The following DNAJB4 variants were observed in gnomAD, a reference collection of about 807,000 sequenced individuals.
DNAJB4 encodes dnaJ homolog subfamily B member 4.
In DNAJB4, 10 loss-of-function variants were observed where a neutral mutation model predicts 26.6. That is an observed-to-expected ratio of 0.38 (90% CI 0.23 to 0.64). The LOEUF (loss-of-function observed/expected upper bound fraction) is 0.64. DNAJB4 is among the 30% of genes least tolerant of loss of function. The pLI is 0.58. For synonymous variants in DNAJB4, 136 were observed against 134.8 expected, an observed-to-expected ratio of 1.01 and a Z score of -0.06; for missense variants, 328 against 408.2, an observed-to-expected ratio of 0.80 and a Z score of 1.69.
chr1:77,983,574 T>C (rs941151398), intron 1 of DNAJB4, among the ~76,000 whole-genome samples: 2 of 152,178 alleles, frequency 1.3e-5, no homozygotes, highest in African/African-American at 4.8e-5. Flanking sequence ...TACTTGAGAT[T>C]AGGGAGTGGT....
chr1:77,999,137 G>A (rs752060368), intron 1 of DNAJB4, among the ~76,000 whole-genome samples: 2 of 152,056 alleles, frequency 1.3e-5, no homozygotes, highest in African/African-American at 2.4e-5. Flanking sequence ...GATATAGTCC[G>A]TTATTAAATG....
chr1:78,013,335 G>A lies in DNAJB4; in HGVS notation c.496G>A (p.Val166Ile), dbSNP rs941541257. 3 of 1,614,064 alleles carry A rather than the reference G, an allele frequency of 1.9e-6. No homozygotes were observed. The African/African-American group carries it at 4.0e-5, about 22-fold the overall frequency. The change falls in exon 2 of 3, where the codon GTA (valine) becomes ATA (isoleucine). Residue 166 changes from valine to isoleucine, a missense_variant. Transcript: ENST00000370763. ...QDPPVIHELR[V>I]SLEEIYSGCT... Reference sequence around the variant, plus strand: ...TCCTCCAGTTATTCATGAACTTAGAGTATCACTTGAAGAGATATATAGTGG... The same window carrying A: ...TCCTCCAGTTATTCATGAACTTAGAATATCACTTGAAGAGATATATAGTGG...
At chr1:77,990,871 A>G (rs1010293061) in intron 1 of DNAJB4, among the ~76,000 whole-genome samples, 1 of 152,170 alleles carries the variant, frequency 6.6e-6, no homozygotes, top group East Asian at 1.9e-4. Context: ...TTTGTGATTC[A>G]TTCATTCAGT....
At chr1:78,010,677 C>G (rs1660444100) in intron 1 of DNAJB4, among the ~76,000 whole-genome samples, 1 of 152,020 alleles carries the variant, frequency 6.6e-6, no homozygotes. Context: ...AGATATATAC[C>G]TTTTAATGGA....
chr1:77,986,364 C>T (rs1191878084), intron 1 of DNAJB4, among the ~76,000 whole-genome samples: 1 of 152,206 alleles, frequency 6.6e-6, no homozygotes, highest in African/African-American at 2.4e-5. Context: ...ATCCAGACAA[C>T]TCAAACAATA....
chr1:78,012,045 C>T (rs1055608511), intron 1 of DNAJB4, among the ~76,000 whole-genome samples: 1 of 147,002 alleles, frequency 6.8e-6, no homozygotes, highest in Non-Finnish European at 1.5e-5. Flanking sequence ...CAACTGACAT[C>T]TTTTAAAAAC....
At chr1:78,014,308 A>G (rs995478868) in intron 2 of DNAJB4, among the ~76,000 whole-genome samples, 1 of 151,918 alleles carries the variant, frequency 6.6e-6, no homozygotes, top group Non-Finnish European at 1.5e-5. Context: ...GGGTTTTACC[A>G]TGTTGGCCAG....
chr1:78,010,995 T>C (rs886589551), intron 1 of DNAJB4, among the ~76,000 whole-genome samples: 1 of 152,222 alleles, frequency 6.6e-6, no homozygotes, highest in African/African-American at 2.4e-5. Flanking sequence ...ACTCACTGTT[T>C]GGAGATATTA....
chr1:77,988,042 C>G (rs934607044), intron 1 of DNAJB4, among the ~76,000 whole-genome samples: 4 of 140,762 alleles, frequency 2.8e-5, no homozygotes, highest in Middle Eastern at 3.8e-3. Flanking sequence ...TCCCCCCCCC[C>G]CCAGACAGTG....
In DNAJB4 at chr1:77,997,943, AT is replaced by A. The variant is rs1344460984; in HGVS notation, c.-31-7136del. On this transcript the variant is annotated intron_variant, in intron 1 of 2. Coordinates refer to the DNAJB4 transcript ENST00000426517. ...GCTGAGACCACAGGTGCACGCCACC[AT>A]GCCCAGCTAATTTTGTATTTTCACG... Among the ~76,000 whole-genome samples, 6 of 152,222 alleles carry A rather than the reference AT, an allele frequency of 3.9e-5. No individual in the cohort carries two copies. The South Asian group carries it at 1.2e-3, about 32-fold the overall frequency.
At chr1:78,000,547 T>C (rs1660166312), upstream of DNAJB4, among the ~76,000 whole-genome samples, 1 of 152,210 alleles carries the variant, frequency 6.6e-6, no homozygotes. Context: ...TCGGCAAATA[T>C]AATCACTTTT....
At chr1:77,989,028 C>T (rs909229232) in intron 1 of DNAJB4, among the ~76,000 whole-genome samples, 1 of 152,166 alleles carries the variant, frequency 6.6e-6, no homozygotes, top group African/African-American at 2.4e-5. Flanking sequence ...ACTGAACTAC[C>T]ACCATTCTTA....
At chr1:77,989,078 G>T (rs375645442) in intron 1 of DNAJB4, among the ~76,000 whole-genome samples, 1 of 151,964 alleles carries the variant, frequency 6.6e-6, no homozygotes, top group South Asian at 2.1e-4. Flanking sequence ...AGCAGTGGAT[G>T]TCCCCCCACT....
chr1:77,986,209 G>A (rs76085691), intron 1 of DNAJB4, among the ~76,000 whole-genome samples: 3,026 of 152,174 alleles, frequency 0.02, 69 homozygotes, highest in East Asian at 0.11. Context: ...GTTACAGCCC[G>A]GGAACTTCAT....
intron 1 of DNAJB4, among the ~76,000 whole-genome samples, chr1:77,994,947 G>A (rs1660026147): frequency 6.6e-6 from 1 of 151,912 alleles, no homozygotes; most frequent in Non-Finnish European, 1.5e-5. Flanking sequence ...GGTATACTTG[G>A]GCTGAGATTC....
intron 1 of DNAJB4, among the ~76,000 whole-genome samples, chr1:78,011,780 G>A (rs1660483377): frequency 6.6e-6 from 1 of 151,608 alleles, no homozygotes. Flanking sequence ...CACTGCACCT[G>A]GCCCTATTTT....
Position 78,016,086 on chromosome 1 carries a change from G to C in DNAJB4, c.853G>C (p.Val285Leu). ...CATACCTATGTCAGTAAATGATATT[G>C]TGAAACCCGGAATGAGGAGAAGAAT... ...RNIPMSVNDIVKPGMRRRIIG... is the reference protein window; with the variant it reads ...RNIPMSVNDILKPGMRRRIIG... The change falls in exon 3 of 3, where the codon GTG becomes CTG. Residue 285 changes from valine (V) to leucine (L), a missense_variant. By Grantham distance (32) the Val-to-Leu change is conservative. Coordinates refer to ENST00000370763, the MANE Select transcript of DNAJB4 (RefSeq NM_007034.5). 6.2e-7 allele frequency: 1 copy of C among 1,614,088 alleles called. No individual in the cohort carries two copies. The highest frequency in any genetic ancestry group is 1.1e-5 in the South Asian group (1 of 91,080).
intron 1 of DNAJB4, 134 bp from the exon 2 acceptor site, chr1:78,012,917 T>C: frequency 1.5e-6 from 1 of 653,312 alleles, no homozygotes; most frequent in Non-Finnish European, 2.5e-6. Context: ...CTGTATTTAG[T>C]AAAGTGGCAT....
chr1:78,016,067 T>C lies in DNAJB4; in HGVS notation c.834T>C (p.Pro278=). The change falls in exon 3 of 3, where the codon CCT becomes CCC. Residue 278 remains proline (P), a synonymous_variant. Coordinates refer to ENST00000370763, the MANE Select transcript of DNAJB4 (RefSeq NM_007034.5). ...CAACACTGGATGGAAGAAACATACCTATGTCAGTAAATGATATTGTGAAAC... is the reference window on the plus strand; with the variant it reads ...CAACACTGGATGGAAGAAACATACCCATGTCAGTAAATGATATTGTGAAAC... ...NVPTLDGRNI[P]MSVNDIVKPG... 1.2e-6 allele frequency: 2 copies of C among 1,614,100 alleles called. No homozygotes were observed.
Sources: allele counts gnomAD v4.1 joint callset (sites outside exome capture counted in the v4.1 genomes callset), GRCh38; gene constraint gnomAD v4.1.1; transcripts MANE v1.5; gene names NCBI Gene and HGNC (gene_info 2026-07-23, HGNC 2026-07-21).